The following NALF1 variants were observed in gnomAD, a reference collection of about 807,000 sequenced individuals.
NALF1 encodes NALCN channel auxiliary factor 1, also known as family with sequence similarity 155 member A.
A neutral mutation model predicts 48.4 loss-of-function variants in NALF1; 3 were observed. That is an observed-to-expected ratio of 0.06 (90% CI 0.03 to 0.16). The LOEUF is 0.16. NALF1 is among the 10% of genes least tolerant of loss of function. The pLI, the probability that NALF1 is intolerant of heterozygous loss-of-function variation, is 1.00. For synonymous variants in NALF1, 262 were observed against 245.7 expected, an observed-to-expected ratio of 1.07 and a Z score of -0.62; for missense variants, 526 against 571.5, an observed-to-expected ratio of 0.92 and a Z score of 0.81.
intron 1 of NALF1, among the ~76,000 whole-genome samples, chr13:107,260,972 C>T (rs1234058076): frequency 1.3e-5 from 2 of 152,108 alleles, no homozygotes; most frequent in Admixed American, 6.5e-5. Flanking sequence ...TGTCACATTT[C>T]GAAGATGGTT....
intron 1 of NALF1, among the ~76,000 whole-genome samples, chr13:107,837,581 G>C (rs1179023017): frequency 1.3e-5 from 2 of 152,122 alleles, no homozygotes; most frequent in African/African-American, 2.4e-5. Flanking sequence ...TGAAAAGAGA[G>C]GGGAGATGCT....
At chr13:107,484,893 T>G (rs141353295) in intron 1 of NALF1, among the ~76,000 whole-genome samples, 31 of 152,254 alleles carry the variant, frequency 2.0e-4, no homozygotes, top group African/African-American at 6.7e-4. Flanking sequence ...GTAATCCATT[T>G]TTTGCTGGAA....
At chr13:107,172,978 G>A (rs1878836682) in intron 2 of NALF1, among the ~76,000 whole-genome samples, 1 of 151,714 alleles carries the variant, frequency 6.6e-6, no homozygotes, top group Non-Finnish European at 1.5e-5. Flanking sequence ...TTTCTCTCCT[G>A]TCCATCTTTT....
chr13:107,204,029 G>A (rs1879580992), intron 2 of NALF1, among the ~76,000 whole-genome samples: 1 of 130,406 alleles, frequency 7.7e-6, no homozygotes, highest in African/African-American at 2.9e-5. Context: ...AGCTCTCCCT[G>A]CTCTCCAGGT....
At chr13:107,301,405 T>C (rs1283580695) in intron 1 of NALF1, among the ~76,000 whole-genome samples, 2 of 152,230 alleles carry the variant, frequency 1.3e-5, no homozygotes, top group Non-Finnish European at 2.9e-5. Flanking sequence ...GTTGAAATTA[T>C]TGAAATATAA....
intron 1 of NALF1, among the ~76,000 whole-genome samples, chr13:107,467,098 G>A (rs1000411051): frequency 6.6e-6 from 1 of 151,938 alleles, no homozygotes; most frequent in African/African-American, 2.4e-5. Context: ...TTTTTCTAAG[G>A]AGTTTTTTTC....
At chr13:107,443,225 T>C (rs946540360) in intron 1 of NALF1, among the ~76,000 whole-genome samples, 2 of 151,312 alleles carry the variant, frequency 1.3e-5, no homozygotes, top group Admixed American at 6.6e-5. Flanking sequence ...TCTATCGATA[T>C]GTAAGTTTGA....
chr13:107,283,822 G>C (rs1484678997), intron 1 of NALF1, among the ~76,000 whole-genome samples: 1 of 151,692 alleles, frequency 6.6e-6, no homozygotes, highest in Non-Finnish European at 1.5e-5. Context: ...ACTATGCCCG[G>C]CTAATTTTTG....
rs1168417066 is a variant in NALF1 at position 107,433,577 on chromosome 13, A to C, written c.916-222822T>G. Among the ~76,000 whole-genome samples, 4 of 152,128 alleles carry C rather than the reference A, an allele frequency of 2.6e-5. No individual in the cohort carries two copies. The South Asian group carries it at 8.3e-4, about 32-fold the overall frequency. On this transcript the variant is annotated intron_variant, in intron 1 of 2. Transcript: ENST00000375915. The stretch of plus-strand genomic sequence containing the variant: ...GTACCCTAAAACTTAAGGTGTAATA[A>C]TAATAAAATAATAAAAAAAGAAAGA...
chr13:107,550,827 A>G (rs1877270341), intron 1 of NALF1, among the ~76,000 whole-genome samples: 1 of 152,080 alleles, frequency 6.6e-6, no homozygotes, highest in Admixed American at 6.6e-5. Flanking sequence ...ACCTGAGATG[A>G]AGTTCAAATA....
At chr13:107,608,586 G>C (rs1879136042) in intron 1 of NALF1, among the ~76,000 whole-genome samples, 1 of 152,158 alleles carries the variant, frequency 6.6e-6, no homozygotes, top group South Asian at 2.1e-4. Flanking sequence ...CTTCCTGATT[G>C]GGTGGTTGGG....
chr13:107,651,528 G>A (rs1880451727), intron 1 of NALF1, among the ~76,000 whole-genome samples: 1 of 152,136 alleles, frequency 6.6e-6, no homozygotes, highest in Non-Finnish European at 1.5e-5. Flanking sequence ...TAATGCTGTT[G>A]CAATAATGAA....
Position 107,267,803 on chromosome 13 carries a change from C to G in NALF1, c.916-57048G>C, listed in dbSNP as rs979469957. Among the ~76,000 whole-genome samples, 4 of 152,062 alleles carry G rather than the reference C, an allele frequency of 2.6e-5. 1 individual carries two copies. Among genetic ancestry groups the G allele is most frequent in the Admixed American group, 2.6e-4 (4 of 15,272 alleles). ...TACCTGAACACAAAGACAGCAACAC[C>G]ACACCAGTCGATCTGATAACCGCGA... is the stretch of plus-strand genomic sequence containing the variant. On this transcript the variant is annotated intron_variant, in intron 1 of 2. Transcript: ENST00000375915.
At chr13:107,801,221 C>T (rs1878602769) in intron 1 of NALF1, among the ~76,000 whole-genome samples, 1 of 152,148 alleles carries the variant, frequency 6.6e-6, no homozygotes, top group Non-Finnish European at 1.5e-5. Context: ...GAATTCTAGA[C>T]GTTCTAGATG....
intron 1 of NALF1, among the ~76,000 whole-genome samples, chr13:107,290,323 AG>A (rs747130847): frequency 7.2e-5 from 11 of 152,068 alleles, no homozygotes; most frequent in Non-Finnish European, 1.3e-4. Context: ...GAATAAAGGG[AG>A]GAAAAAAGAT....
chr13:107,575,651 A>T (rs1878118203), intron 1 of NALF1, among the ~76,000 whole-genome samples: 1 of 152,098 alleles, frequency 6.6e-6, no homozygotes, highest in South Asian at 2.1e-4. Context: ...ATTCCTCGGG[A>T]TCCTTTCTCT....
At chr13:107,364,039 T>C (rs948390247) in intron 1 of NALF1, among the ~76,000 whole-genome samples, 14 of 152,230 alleles carry the variant, frequency 9.2e-5, no homozygotes, top group Non-Finnish European at 1.6e-4. Context: ...AATAAGAAGC[T>C]AGAAAAGTAC....
At chr13:107,523,491 T>C (rs1388688142) in intron 1 of NALF1, among the ~76,000 whole-genome samples, 1 of 151,674 alleles carries the variant, frequency 6.6e-6, no homozygotes, top group Admixed American at 6.6e-5. Flanking sequence ...CATTTAGCAT[T>C]AGGTATATCT....
intron 1 of NALF1, among the ~76,000 whole-genome samples, chr13:107,244,108 C>T (rs893347009): frequency 5.9e-5 from 9 of 152,186 alleles, no homozygotes; most frequent in Non-Finnish European, 1.3e-4. Flanking sequence ...ATATAATTTT[C>T]CCTCCACTGG....
Sources: gnomAD v4.1 joint callset for allele counts (sites outside exome capture counted in the v4.1 genomes callset) on GRCh38, gnomAD v4.1.1 for gene constraint, MANE v1.5 for transcripts, NCBI Gene and HGNC (gene_info 2026-07-23, HGNC 2026-07-21) for gene names.